Variants in NKD1 observed in about 807,000 individuals in gnomAD.
NKD1 encodes the protein protein naked cuticle homolog 1.
In NKD1, 21 loss-of-function variants were observed where a neutral mutation model predicts 56.0. That is an observed-to-expected ratio of 0.38 (90% CI 0.27 to 0.54). NKD1 has a LOEUF of 0.54. Among genes scored for constraint, NKD1 ranks in the 20% least tolerant of loss-of-function variants. NKD1 has a pLI of 0.82. For synonymous variants in NKD1, 263 were observed against 265.7 expected (o/e 0.99, Z 0.10); for missense variants, 578 against 642.7 (o/e 0.90, Z 1.09).
intron 3 of NKD1, among the ~76,000 whole-genome samples, chr16:50,567,727 T>C (rs1487554805): frequency 2.6e-5 from 4 of 152,238 alleles, no homozygotes; most frequent in African/African-American, 9.6e-5. Context: ...CCTGCCTGGC[T>C]GGACACCAGG....
In NKD1 at chr16:50,644,228, C is replaced by T. The variant is rs575201718; in HGVS notation, c.*10447C>T. ...GAATCCACGGAGGGTGAGGATCCAC[C>T]GTATGTACTTATCTATGCCTCTAAT... On this transcript the variant is annotated 3_prime_UTR_variant, in exon 10 of 10. Transcript: ENST00000268459. 4 of 152,314 alleles carry T rather than the reference C, an allele frequency of 2.6e-5. No individual in the cohort carries two copies. Among genetic ancestry groups the T allele is most frequent in the East Asian group, 1.9e-4 (1 of 5,180 alleles). 9.4% of individuals were successfully genotyped at this position (152,314 alleles called of 1,614,324 possible). A position where few individuals can be genotyped will look rare whatever the true frequency, so the allele number is the denominator to read the frequency against.
At chr16:50,603,238 C>T (rs573691221) in intron 3 of NKD1, among the ~76,000 whole-genome samples, 4 of 152,204 alleles carry the variant, frequency 2.6e-5, no homozygotes, top group South Asian at 4.1e-4. Flanking sequence ...GGACTGGGCC[C>T]GGAGCCTGGG....
chr16:50,611,459 G>A (rs1220408551), intron 4 of NKD1, among the ~76,000 whole-genome samples: 2 of 151,898 alleles, frequency 1.3e-5, no homozygotes, highest in Non-Finnish European at 2.9e-5. Context: ...TCCAGGGCAG[G>A]CCTTGCTTTG....
In NKD1 at chr16:50,644,584, A is replaced by G. The variant is rs1378290522; in HGVS notation, c.*10803A>G. 1 of 152,162 alleles carries G rather than the reference A, an allele frequency of 6.6e-6. No homozygotes were observed. Among genetic ancestry groups the G allele is most frequent in the Non-Finnish European group, 1.5e-5 (1 of 68,018 alleles). 9.4% of individuals were successfully genotyped at this position (152,162 alleles called of 1,614,324 possible). ...CCCAGAACCTCCTGGGGATATTCAG[A>G]TGGTGTCACTGGGCTCGGCCTGTGG... On this transcript the variant is annotated 3_prime_UTR_variant, in exon 10 of 10. Coordinates refer to ENST00000268459, the MANE Select transcript of NKD1 (RefSeq NM_033119.5).
chr16:50,608,235 C>A, intron 3 of NKD1, 59 bp from the exon 4 acceptor site: 5 of 1,191,238 alleles, frequency 4.2e-6, no homozygotes, highest in Non-Finnish European at 5.0e-6. Flanking sequence ...CTGCTTTTAA[C>A]GTCCCAGCAC....
chr16:50,574,987 G>T (rs1960961878), intron 3 of NKD1: 14 of 985,058 alleles, frequency 1.4e-5, no homozygotes, highest in Non-Finnish European at 1.7e-5. Flanking sequence ...CATAACCCTG[G>T]TGCTTCTCAC....
intron 3 of NKD1, among the ~76,000 whole-genome samples, chr16:50,581,682 A>G (rs770964908): frequency 6.6e-6 from 1 of 152,132 alleles, no homozygotes; most frequent in Non-Finnish European, 1.5e-5. Context: ...TCTGTGGTGG[A>G]TTTGAGGCCC....
Position 50,632,330 on chromosome 16 carries a change from G to T in NKD1, c.745G>T (p.Val249Leu). The T allele has an allele frequency of 6.2e-7, 1 of 1,614,050 alleles. No homozygotes were observed. Among genetic ancestry groups the T allele is most frequent in the Admixed American group, 1.7e-5 (1 of 60,026 alleles). Residue 249 changes from valine to leucine, a missense_variant, in exon 9 of 10, where the codon GTA becomes TTA. Val to Leu is a conservative substitution (Grantham distance 32, BLOSUM62 1). Transcript: ENST00000268459. This position sits in a 1 kb window ranked among gnomAD's most constrained non-coding sequence, Gnocchi z 4.1. ...LEQSGCYHHC[V>L]DENIERRNHY... Reference sequence around the variant, plus strand: ...GCAGTCTGGCTGCTACCACCATTGCGTAGATGAGAACATCGAGAGGAGAAA... The same window carrying T: ...GCAGTCTGGCTGCTACCACCATTGCTTAGATGAGAACATCGAGAGGAGAAA...
At chr16:50,621,768 C>T (rs1364250354) in intron 5 of NKD1, 60 bp downstream of exon 5, 3 of 1,299,648 alleles carry the variant, frequency 2.3e-6, no homozygotes, top group African/African-American at 1.5e-5. Flanking sequence ...CAGCTTGGGG[C>T]TTTGGGAGGA....
rs1190465923 is a variant in NKD1 at position 50,598,421 on chromosome 16, C to T, written c.193-9873C>T. Among the ~76,000 whole-genome samples, 3 of 152,206 alleles carry T rather than the reference C, an allele frequency of 2.0e-5. No individual in the cohort carries two copies. Among genetic ancestry groups the T allele is most frequent in the East Asian group, 3.9e-4 (2 of 5,192 alleles). On this transcript the variant is annotated intron_variant, in intron 3 of 9. Transcript: ENST00000268459. The surrounding 1 kb of genome is among the most constrained non-coding windows in gnomAD (Gnocchi z 4.2). ...CTGAGGCTGAGCAAGAAATTCCAGGCTTCTTGGGTCCCCAAGCCCCTTCCC... is the reference window on the plus strand; with the variant it reads ...CTGAGGCTGAGCAAGAAATTCCAGGTTTCTTGGGTCCCCAAGCCCCTTCCC...
intron 7 of NKD1, 49 bp from the exon 8 acceptor site, chr16:50,630,777 G>A (rs907339231): frequency 6.7e-7 from 1 of 1,497,272 alleles, no homozygotes; most frequent in South Asian, 1.2e-5. Context: ...GGGAGGGTGG[G>A]AGCAGGCAGC....
Position 50,598,101 on chromosome 16 carries a change from G to A in NKD1, c.193-10193G>A, listed in dbSNP as rs76990627. On this transcript the variant is annotated intron_variant, in intron 3 of 9. Transcript: ENST00000268459. The surrounding 1 kb of genome is among the most constrained non-coding windows in gnomAD (Gnocchi z 4.2). ...GACAAGTTTCTTAGAGCTATTTTGG[G>A]GACAAGGGGACAGAAGGGGCCAGGA... Among the ~76,000 whole-genome samples, 89 of 152,234 alleles carry A rather than the reference G, an allele frequency of 5.8e-4. 2 individuals are homozygous for A. In the East Asian group the frequency reaches 0.016, roughly 27 times the overall value.
chr16:50,589,694 T>TTCTC (rs1961307335), intron 3 of NKD1, among the ~76,000 whole-genome samples: 4 of 120,562 alleles, frequency 3.3e-5, no homozygotes, highest in African/African-American at 6.2e-5. Flanking sequence ...TTTCTTTTCT[T>TTCTC]TTCTCTTCTC....
At chr16:50,577,482 TTTATTA>T (rs1961017617) in intron 3 of NKD1, among the ~76,000 whole-genome samples, 1 of 152,100 alleles carries the variant, frequency 6.6e-6, no homozygotes, top group South Asian at 2.1e-4. Flanking sequence ...TCCTGCCCTC[TTTATTA>T]TTATTATTTG....
At chr16:50,568,657 A>C (rs1363690677) in intron 3 of NKD1, among the ~76,000 whole-genome samples, 1 of 151,840 alleles carries the variant, frequency 6.6e-6, no homozygotes, top group African/African-American at 2.4e-5. Flanking sequence ...GCGCACTGGG[A>C]GGTTTGAAAT....
intron 3 of NKD1, chr16:50,556,722 A>C (rs1960511363): frequency 6.8e-6 from 1 of 147,428 alleles, no homozygotes; most frequent in Non-Finnish European, 1.5e-5. Flanking sequence ...ATGCATCTGC[A>C]GTAGGGTTTT....
intron 4 of NKD1, among the ~76,000 whole-genome samples, chr16:50,612,664 G>A (rs1006155921): frequency 6.6e-6 from 1 of 152,202 alleles, no homozygotes; most frequent in Non-Finnish European, 1.5e-5. Context: ...CCAGGAAGGA[G>A]CCAGCCATGG....
intron 3 of NKD1, among the ~76,000 whole-genome samples, chr16:50,550,077 G>C (rs78382235): frequency 0.011 from 1,615 of 152,148 alleles, 34 homozygotes; most frequent in African/African-American, 0.037. Context: ...AGACCTGGAA[G>C]ACCCCTTACT....
At chr16:50,607,253 T>A (rs1596738131) in intron 3 of NKD1, 17 of 339,796 alleles carry the variant, frequency 5.0e-5, no homozygotes, top group South Asian at 4.0e-4. Flanking sequence ...TCCAGCTGTG[T>A]CCAGTTGATG....
Sources: allele counts gnomAD v4.1 joint callset (sites outside exome capture counted in the v4.1 genomes callset), GRCh38; gene constraint gnomAD v4.1.1; non-coding constraint Gnocchi (gnomAD v3.1); transcripts MANE v1.5; gene names NCBI Gene and HGNC (gene_info 2026-07-23, HGNC 2026-07-21).